The following PCDH9 variants were observed in gnomAD, a reference collection of about 807,000 sequenced individuals.
PCDH9 encodes the protein protocadherin 9.
Under a neutral mutation model 70.6 loss-of-function variants are expected in PCDH9, and 24 were observed. The observed-to-expected ratio is 0.34, with a 90% confidence interval of 0.25 to 0.48. PCDH9 has a LOEUF of 0.48. PCDH9 is among the 20% of genes least tolerant of loss of function. The probability of loss-of-function intolerance (pLI) is 0.99; values close to 1 mark genes in which losing one functional copy is unlikely to be tolerated. For synonymous variants in PCDH9, 562 were observed against 558.5 expected (o/e 1.01, Z -0.09); for missense variants, 1,281 against 1,503.6 (o/e 0.85, Z 2.45).
chr13:66,581,699 C>T (rs1463867114), intron 4 of PCDH9, among the ~76,000 whole-genome samples: 5 of 152,106 alleles, frequency 3.3e-5, no homozygotes, highest in Non-Finnish European at 7.4e-5. Context: ...GAATTATATC[C>T]ATGTGTGCCC....
chr13:66,761,303 T>G (rs116255425), intron 3 of PCDH9, among the ~76,000 whole-genome samples: 2,890 of 152,206 alleles, frequency 0.019, 87 homozygotes, highest in African/African-American at 0.066. Flanking sequence ...GGCTGGCACT[T>G]AGGGAAAATA....
chr13:66,347,246 G>A (rs1031545765), intron 4 of PCDH9, among the ~76,000 whole-genome samples: 3 of 152,032 alleles, frequency 2.0e-5, no homozygotes, highest in East Asian at 1.9e-4. Context: ...TATGTAATAC[G>A]CAAATAGAAT....
At chr13:66,466,924 G>A (rs1211204940) in intron 4 of PCDH9, among the ~76,000 whole-genome samples, 2 of 152,074 alleles carry the variant, frequency 1.3e-5, no homozygotes, top group Admixed American at 6.6e-5. Context: ...GTTTAAATTC[G>A]AATGCTGTTG....
chr13:66,706,117 T>C (rs1429502744), intron 3 of PCDH9, among the ~76,000 whole-genome samples: 2 of 152,204 alleles, frequency 1.3e-5, no homozygotes, highest in Non-Finnish European at 2.9e-5. Context: ...GATTAGAGTA[T>C]GTATTTGAAC....
intron 4 of PCDH9, among the ~76,000 whole-genome samples, chr13:66,560,716 T>A (rs988343573): frequency 2.0e-5 from 3 of 149,736 alleles, no homozygotes; most frequent in African/African-American, 7.3e-5. Context: ...CACATTTCAC[T>A]CAAGGCATCT....
chr13:66,563,058 C>T (rs912778079), intron 4 of PCDH9, among the ~76,000 whole-genome samples: 3 of 152,026 alleles, frequency 2.0e-5, no homozygotes, highest in African/African-American at 7.2e-5. Context: ...GTTTATTTAA[C>T]ATTCATGGGT....
intron 4 of PCDH9, among the ~76,000 whole-genome samples, chr13:66,365,186 C>T (rs1011338127): frequency 8.5e-5 from 13 of 152,184 alleles, no homozygotes; most frequent in African/African-American, 2.9e-4. Context: ...GCTAGCTCAT[C>T]ACATCACAAA....
intron 2 of PCDH9, among the ~76,000 whole-genome samples, chr13:67,154,579 A>C: frequency 2.1e-5 from 1 of 48,528 alleles, no homozygotes; most frequent in African/African-American, 8.8e-5. Context: ...CTGTCTCAAA[A>C]AAAAAAAAAA....
chr13:66,477,248 C>A (rs1016183888), intron 4 of PCDH9, among the ~76,000 whole-genome samples: 31 of 152,180 alleles, frequency 2.0e-4, no homozygotes, highest in African/African-American at 7.5e-4. Context: ...TATTTATAAG[C>A]TATATGGCTT....
intron 2 of PCDH9, among the ~76,000 whole-genome samples, chr13:67,154,244 G>C (rs2087739025): frequency 6.6e-6 from 1 of 151,824 alleles, no homozygotes; most frequent in African/African-American, 2.4e-5. Flanking sequence ...CTTGAGCCCA[G>C]GAGTTTGACA....
Position 66,531,574 on chromosome 13 carries a change from G to A in PCDH9, c.3340+99636C>T, listed in dbSNP as rs1183559105. The stretch of plus-strand genomic sequence containing the variant: ...TTACTATTAAGAATCTAAACTAAAG[G>A]AAGAAAAGCCTCACCTAAATTTTAA... On this transcript the variant is annotated intron_variant, in intron 4 of 4. Coordinates refer to ENST00000377865, the MANE Select transcript of PCDH9 (RefSeq NM_203487.3). 2.6e-5 allele frequency among the ~76,000 whole-genome samples: 4 copies of A among 151,380 alleles called. No homozygotes were observed. In the East Asian group the frequency reaches 5.9e-4, roughly 22 times the overall value.
rs573030021 is a variant in PCDH9, at chr13:66,702,595, C to A, written c.3139-71184G>T. Among the ~76,000 whole-genome samples, 3 of 152,268 alleles carry A rather than the reference C, an allele frequency of 2.0e-5. No homozygotes were observed. In the South Asian group the frequency reaches 6.2e-4, roughly 32 times the overall value. On this transcript the variant is annotated intron_variant, in intron 3 of 4. Coordinates refer to ENST00000377865, the MANE Select transcript of PCDH9 (RefSeq NM_203487.3). ...CATCACACACCAAACCCATGCCCCC[C>A]ACCAGTATACAAAGGTAACTATGTG...
chr13:66,871,423 AT>A, intron 3 of PCDH9, among the ~76,000 whole-genome samples: 1 of 118,982 alleles, frequency 8.4e-6, no homozygotes, highest in Non-Finnish European at 1.8e-5. Flanking sequence ...TAAAAAATAA[AT>A]AAAATTAAAA....
chr13:66,932,183 T>C lies in PCDH9; in HGVS notation c.3037-28578A>G, dbSNP rs533578668. Among the ~76,000 whole-genome samples, 10 of 152,268 alleles carry C rather than the reference T, an allele frequency of 6.6e-5. 1 individual carries two copies. In the South Asian group the frequency reaches 1.9e-3, roughly 28 times the overall value. On this transcript the variant is annotated intron_variant, in intron 2 of 4. Coordinates refer to ENST00000377865, the MANE Select transcript of PCDH9 (RefSeq NM_203487.3). ...AGAGTACCAGGGCACTTTTGATTCATAGGATGCAGAAGCCTTGAGTAAAAA... is the reference window on the plus strand; with the variant it reads ...AGAGTACCAGGGCACTTTTGATTCACAGGATGCAGAAGCCTTGAGTAAAAA...
At chr13:67,135,969 AACTACT>A (rs1383947178) in intron 2 of PCDH9, among the ~76,000 whole-genome samples, 1 of 152,040 alleles carries the variant, frequency 6.6e-6, no homozygotes, top group Non-Finnish European at 1.5e-5. Context: ...CTGCCTCCTC[AACTACT>A]ACTACTTCCT....
intron 4 of PCDH9, among the ~76,000 whole-genome samples, chr13:66,325,855 A>G (rs963250952): frequency 2.6e-5 from 4 of 152,206 alleles, no homozygotes; most frequent in Admixed American, 6.5e-5. Context: ...TCTTGTGTCT[A>G]TGGAGTTTGA....
chr13:67,051,794 T>C (rs1296366382), intron 2 of PCDH9, among the ~76,000 whole-genome samples: 1 of 152,164 alleles, frequency 6.6e-6, no homozygotes, highest in Non-Finnish European at 1.5e-5. Flanking sequence ...CTTCCTTATA[T>C]ATATTAAGCT....
chr13:66,921,974 G>A (rs2082643450), intron 2 of PCDH9, among the ~76,000 whole-genome samples: 2 of 151,216 alleles, frequency 1.3e-5, no homozygotes, highest in African/African-American at 4.8e-5. Flanking sequence ...TATCACTGCT[G>A]AAAGAACAAA....
intron 4 of PCDH9, among the ~76,000 whole-genome samples, chr13:66,482,273 T>C (rs532940397): frequency 1.3e-5 from 2 of 152,016 alleles, no homozygotes; most frequent in South Asian, 4.2e-4. Flanking sequence ...CACTCTGCCA[T>C]TTTTGGCAGT....
Sources: gnomAD v4.1 joint callset for allele counts (sites outside exome capture counted in the v4.1 genomes callset) on GRCh38, gnomAD v4.1.1 for gene constraint, MANE v1.5 for transcripts, NCBI Gene and HGNC (gene_info 2026-07-23, HGNC 2026-07-21) for gene names.